CCDC81: variants seen among roughly 807,000 people sequenced by gnomAD.
CCDC81 encodes the protein coiled-coil domain containing 81.
CCDC81 carries 79 observed loss-of-function variants against 83.7 expected under a neutral mutation model. That is an observed-to-expected ratio of 0.94 (90% confidence interval 0.79 to 1.14). The LOEUF (loss-of-function observed/expected upper bound fraction) is 1.14. CCDC81 is among the 50% of genes most tolerant of loss of function. CCDC81 has a pLI of 0.00. For synonymous variants in CCDC81, 252 were observed against 278.1 expected (o/e 0.91, Z 0.93); for missense variants, 791 against 778.1 (o/e 1.02, Z -0.20).
intron 7 of CCDC81, among the ~76,000 whole-genome samples, chr11:86,403,141 A>G: frequency 6.7e-6 from 1 of 149,884 alleles, no homozygotes; most frequent in East Asian, 2.0e-4. Flanking sequence ...GGCATGAGCC[A>G]CCACACCTGG....
intron 1 of CCDC81, among the ~76,000 whole-genome samples, chr11:86,376,572 A>T (rs1417958234): frequency 1.3e-5 from 2 of 152,170 alleles, no homozygotes; most frequent in Non-Finnish European, 2.9e-5. Flanking sequence ...CCATCATGAG[A>T]ACAGCATGGG....
At chr11:86,379,371 C>CA (rs1948143761) in intron 1 of CCDC81, among the ~76,000 whole-genome samples, 1 of 152,110 alleles carries the variant, frequency 6.6e-6, no homozygotes, top group African/African-American at 2.4e-5. Flanking sequence ...GCTGGGATTA[C>CA]AGGTGTGAGC....
chr11:86,386,756 A>G (rs912017462), intron 2 of CCDC81, among the ~76,000 whole-genome samples: 2 of 152,216 alleles, frequency 1.3e-5, no homozygotes, highest in Non-Finnish European at 2.9e-5. Context: ...TAAACTTGGG[A>G]AAAATCATAT....
intron 2 of CCDC81, 93 bp from the exon 3 acceptor site, chr11:86,387,423 A>C: frequency 8.1e-7 from 1 of 1,238,004 alleles, no homozygotes; most frequent in South Asian, 1.3e-5. Context: ...GCCTAAGCTT[A>C]CTTCTCTTCG....
intron 7 of CCDC81, among the ~76,000 whole-genome samples, chr11:86,404,896 T>C (rs939778702): frequency 6.6e-6 from 1 of 152,232 alleles, no homozygotes; most frequent in East Asian, 1.9e-4. Flanking sequence ...TTTCTCATTT[T>C]ATGCTGTGGT....
chr11:86,418,548 G>A (rs560258958), intron 13 of CCDC81, among the ~76,000 whole-genome samples: 1 of 152,254 alleles, frequency 6.6e-6, no homozygotes, highest in East Asian at 1.9e-4. Flanking sequence ...TAAAAAGGAA[G>A]AAAGTTCTAA....
At position 86,375,109 on chromosome 11, in the gene CCDC81, A is replaced by G. The variant is rs906473507; in HGVS notation, c.-55A>G. The G allele has an allele frequency of 2.3e-5, 33 of 1,450,224 alleles. No individual in the cohort carries two copies. In the Admixed American group the frequency reaches 5.0e-4, roughly 22 times the overall value. The allele number at this position is 1,450,224 out of a possible 1,614,324, so 89.8% of individuals were successfully genotyped here. On this transcript the variant is annotated 5_prime_UTR_variant, in exon 1 of 15. The change creates a new upstream start codon in the 5' untranslated region. Transcript: ENST00000445632. ...AAAATTATTTTTGTGCACATTCCAT[A>G]TAAGAAAGAAGAGACCCATCGAACA...
chr11:86,384,566 T>C (rs1038870465), intron 1 of CCDC81, among the ~76,000 whole-genome samples: 11 of 152,314 alleles, frequency 7.2e-5, no homozygotes, highest in Admixed American at 7.2e-4. Context: ...AACTCTGATA[T>C]ACCAGAATTA....
chr11:86,396,298 G>A (rs1948408508), intron 5 of CCDC81, among the ~76,000 whole-genome samples: 1 of 152,046 alleles, frequency 6.6e-6, no homozygotes, highest in Non-Finnish European at 1.5e-5. Flanking sequence ...TCTTTTACAT[G>A]AATGAAGCAA....
intron 13 of CCDC81, 179 bp from the exon 14 acceptor site, chr11:86,419,749 A>T: frequency 2.0e-6 from 1 of 492,336 alleles, no homozygotes; most frequent in Non-Finnish European, 3.3e-6. Flanking sequence ...TTGATCCATA[A>T]ATTATTTGAG....
At chr11:86,420,794 T>C (rs1948779268) in intron 14 of CCDC81, among the ~76,000 whole-genome samples, 1 of 152,244 alleles carries the variant, frequency 6.6e-6, no homozygotes, top group Non-Finnish European at 1.5e-5. Flanking sequence ...GTCTTTCTAA[T>C]GAGTAGAACC....
intron 1 of CCDC81, among the ~76,000 whole-genome samples, chr11:86,375,974 C>T (rs1167671531): frequency 2.6e-5 from 4 of 152,220 alleles, no homozygotes; most frequent in African/African-American, 7.2e-5. Context: ...CCCTGCATCA[C>T]TCCTATCTTT....
intron 6 of CCDC81, among the ~76,000 whole-genome samples, chr11:86,400,014 C>A (rs1453665445): frequency 6.6e-6 from 1 of 151,250 alleles, no homozygotes; most frequent in Non-Finnish European, 1.5e-5. Flanking sequence ...ACCTGTTATT[C>A]CAGCTACTTG....
chr11:86,414,966 A>G, intron 12 of CCDC81, 99 bp downstream of exon 12: 2 of 1,405,564 alleles, frequency 1.4e-6, no homozygotes, highest in Non-Finnish European at 2.0e-6. Flanking sequence ...TGTGTTATGC[A>G]TTTGGTAGTT....
intron 9 of CCDC81, among the ~76,000 whole-genome samples, 183 bp downstream of exon 9, chr11:86,408,453 C>T (rs552149330): frequency 6.6e-6 from 1 of 152,278 alleles, no homozygotes; most frequent in East Asian, 1.9e-4. Context: ...TCGACCTCAG[C>T]CTCCAGATTA....
rs761853100 is a variant in CCDC81 at position 86,400,716 on chromosome 11, T to C, written c.796T>C (p.Leu266=). 1 of 1,613,116 alleles carries C rather than the reference T, an allele frequency of 6.2e-7. No individual in the cohort carries two copies. Among genetic ancestry groups the C allele is most frequent in the Non-Finnish European group, 8.5e-7 (1 of 1,179,200 alleles). The part of the protein sequence containing the change: ...SPKRLRDRQA[L]FPAKVTNVSL... ...CAAAAGACTTCGAGATAGACAAGCT[T>C]TGTTCCCTGCCAAAGTGACAAATGT... Residue 266 remains leucine, a synonymous_variant, in exon 7 of 15, where the codon TTG becomes CTG. Transcript: ENST00000445632.
chr11:86,387,708 G>A (rs779098666), intron 3 of CCDC81, 36 bp downstream of exon 3: 6 of 1,459,762 alleles, frequency 4.1e-6, no homozygotes, highest in Middle Eastern at 1.8e-4. Flanking sequence ...TTCCCAGAAG[G>A]TTACTGTCCT....
chr11:86,415,907 C>A (rs980287353), intron 13 of CCDC81, among the ~76,000 whole-genome samples: 6 of 152,134 alleles, frequency 3.9e-5, no homozygotes, highest in African/African-American at 1.4e-4. Context: ...CTTCAGGGTT[C>A]AAGCAATCCT....
rs372860620 is a variant in CCDC81, at chr11:86,421,420, C to T, written c.1818-1154C>T. 4.4e-4 allele frequency among the ~76,000 whole-genome samples: 67 copies of T among 152,284 alleles called. 1 individual carries two copies. The highest frequency in any genetic ancestry group is 1.0e-3 in the South Asian group (5 of 4,822). ...CGTCTCCTGGGTTCATGCCATTCTC[C>T]TGCCTCAGCATCCCGACTAGCTGGG... On this transcript the variant is annotated intron_variant, in intron 14 of 14. Coordinates refer to ENST00000445632, the MANE Select transcript of CCDC81 (RefSeq NM_001156474.2).
Sources: gnomAD v4.1 joint callset for allele counts (sites outside exome capture counted in the v4.1 genomes callset) on GRCh38, gnomAD v4.1.1 for gene constraint, MANE v1.5 for transcripts, NCBI Gene and HGNC (gene_info 2026-07-23, HGNC 2026-07-21) for gene names.